Variants in LDB2 observed in about 807,000 individuals in gnomAD.
LDB2 encodes the protein LIM domain binding 2.
LDB2 carries 12 observed loss-of-function variants against 44.3 expected under a neutral mutation model. The observed-to-expected ratio is 0.27, with a 90% confidence interval of 0.17 to 0.44. The LOEUF is 0.44. LDB2 is among the 20% of genes least tolerant of loss of function. The pLI is 1.00. For missense variants in LDB2, 344 were observed against 473.5 expected, an observed-to-expected ratio of 0.73 and a Z score of 2.54; for synonymous variants, 164 against 174.8, an observed-to-expected ratio of 0.94 and a Z score of 0.49.
At chr4:16,715,425 G>C (rs1051086815) in intron 2 of LDB2, among the ~76,000 whole-genome samples, 4 of 152,308 alleles carry the variant, frequency 2.6e-5, no homozygotes, top group Middle Eastern at 3.4e-3. Context: ...CTGGACTATA[G>C]ATGTCAACAT....
At chr4:16,633,872 G>A (rs748322413) in intron 2 of LDB2, among the ~76,000 whole-genome samples, 4 of 152,124 alleles carry the variant, frequency 2.6e-5, no homozygotes, top group African/African-American at 9.7e-5. Flanking sequence ...ATACTAAAAG[G>A]CTACAGTAAC....
chr4:16,759,196 G>T lies in LDB2; in HGVS notation c.197C>A (p.Thr66Asn). ...TCCATCTTCCAAACAAAATGAAAGG[G>T]TTAATGTGGCGTCATCTTCAAAAAA... ...TEFFEDDATL[T>N]LSFCLEDGPK... Residue 66 changes from threonine to asparagine, a missense_variant, in exon 2 of 8, where the codon ACC (threonine) becomes AAC (asparagine). By Grantham distance (65) the Thr-to-Asn change is moderately conservative. Transcript: ENST00000304523. 2.5e-6 allele frequency: 4 copies of T among 1,614,006 alleles called. No individual in the cohort carries two copies. Among genetic ancestry groups the T allele is most frequent in the Non-Finnish European group, 2.5e-6 (3 of 1,179,874 alleles).
intron 2 of LDB2, among the ~76,000 whole-genome samples, chr4:16,745,894 GAA>G (rs201570479): frequency 7.4e-6 from 1 of 135,448 alleles, no homozygotes; most frequent in African/African-American, 2.7e-5. Flanking sequence ...CTCTATTGTT[GAA>G]AAAAAAAAAA....
chr4:16,534,939 G>A (rs1197663480), intron 5 of LDB2, among the ~76,000 whole-genome samples: 1 of 152,140 alleles, frequency 6.6e-6, no homozygotes, highest in Non-Finnish European at 1.5e-5. Flanking sequence ...TACATACTAA[G>A]AAGTGTAATA....
At chr4:16,762,099 G>A (rs1392100566) in intron 1 of LDB2, among the ~76,000 whole-genome samples, 1 of 152,166 alleles carries the variant, frequency 6.6e-6, no homozygotes, top group African/African-American at 2.4e-5. Context: ...AGGAGACTGA[G>A]GCAGGAGAAT....
intron 1 of LDB2, among the ~76,000 whole-genome samples, chr4:16,762,611 G>A (rs1768172593): frequency 6.6e-6 from 1 of 152,110 alleles, no homozygotes; most frequent in Non-Finnish European, 1.5e-5. Context: ...AACAAGATAA[G>A]GGAAACCACC....
intron 1 of LDB2, among the ~76,000 whole-genome samples, chr4:16,897,910 A>ATATATATACACATATG (rs1725601870): frequency 1.3e-4 from 2 of 15,446 alleles, no homozygotes; most frequent in African/African-American, 1.1e-3. Flanking sequence ...ATATATATAT[A>ATATATATACACATATG]TATATATATA....
intron 1 of LDB2, among the ~76,000 whole-genome samples, chr4:16,811,819 T>C (rs1246962240): frequency 6.6e-6 from 1 of 152,224 alleles, no homozygotes; most frequent in Non-Finnish European, 1.5e-5. Context: ...ACATGTATAT[T>C]TGATACTAGA....
intron 1 of LDB2, among the ~76,000 whole-genome samples, chr4:16,831,306 A>G (rs1784045843): frequency 6.6e-6 from 1 of 151,914 alleles, no homozygotes; most frequent in African/African-American, 2.4e-5. Flanking sequence ...TACAGAGATA[A>G]AGTAAGAGGA....
intron 1 of LDB2, 54 bp from the exon 2 acceptor site, chr4:16,759,314 G>A (rs1228188689): frequency 1.5e-6 from 2 of 1,298,256 alleles, no homozygotes; most frequent in East Asian, 4.6e-5. Context: ...ATATCTCAAA[G>A]AGGAAGAGAA....
intron 1 of LDB2, among the ~76,000 whole-genome samples, chr4:16,847,322 TC>T (rs1249033384): frequency 2.6e-5 from 4 of 152,178 alleles, no homozygotes; most frequent in Non-Finnish European, 4.4e-5. Context: ...GTCACTTATA[TC>T]CATACTAATG....
chr4:16,709,104 C>T (rs1272198114), intron 2 of LDB2, among the ~76,000 whole-genome samples: 1 of 144,512 alleles, frequency 6.9e-6, no homozygotes, highest in African/African-American at 2.5e-5. Flanking sequence ...TATTCTATCA[C>T]CGAATTCTCA....
At chr4:16,690,082 G>A (rs760960928) in intron 2 of LDB2, among the ~76,000 whole-genome samples, 1 of 152,098 alleles carries the variant, frequency 6.6e-6, no homozygotes, top group African/African-American at 2.4e-5. Context: ...AAGATGGTTG[G>A]GCTAATTTTT....
Position 16,813,348 on chromosome 4 carries a change from G to A in LDB2, c.133-54088C>T, listed in dbSNP as rs151226121. Among the ~76,000 whole-genome samples the A allele has an allele frequency of 6.6e-3, 1,001 of 152,222 alleles. 4 individuals carry two copies. The highest frequency in any genetic ancestry group is 0.048 in the Middle Eastern group (14 of 294). On this transcript the variant is annotated intron_variant, in intron 1 of 7. Transcript: ENST00000304523. Reference sequence around the variant, plus strand: ...ATTTAACTAACAATAGGGTTTTTGTGGGGATTAAGTGAGTAGGACATAGAA... The same window carrying A: ...ATTTAACTAACAATAGGGTTTTTGTAGGGATTAAGTGAGTAGGACATAGAA...
At chr4:16,630,358 A>C (rs1173832423) in intron 2 of LDB2, among the ~76,000 whole-genome samples, 1 of 152,222 alleles carries the variant, frequency 6.6e-6, no homozygotes. Context: ...GTGAAAGAGA[A>C]ATAAAATCCT....
intron 5 of LDB2, among the ~76,000 whole-genome samples, chr4:16,523,128 C>G (rs145144165): frequency 1.4e-3 from 220 of 152,226 alleles, no homozygotes; most frequent in African/African-American, 5.1e-3. Context: ...TGTACGTATG[C>G]ATGTATGTAC....
intron 1 of LDB2, among the ~76,000 whole-genome samples, chr4:16,857,165 T>C (rs187091739): frequency 1.1e-3 from 161 of 152,334 alleles, no homozygotes; most frequent in African/African-American, 3.6e-3. Context: ...TAATATGTTG[T>C]CAGGTGGCAG....
chr4:16,853,988 C>T (rs570487278), intron 1 of LDB2, among the ~76,000 whole-genome samples: 10 of 151,674 alleles, frequency 6.6e-5, no homozygotes, highest in Middle Eastern at 3.4e-3. Context: ...AGGGGGTGAG[C>T]GGGGAGGAAA....
intron 1 of LDB2, among the ~76,000 whole-genome samples, chr4:16,869,016 ATGATGT>A (rs1715635187): frequency 6.6e-6 from 1 of 152,108 alleles, no homozygotes; most frequent in Non-Finnish European, 1.5e-5. Flanking sequence ...ATGCTGGTAG[ATGATGT>A]TGATGATGAT....
Sources: allele counts gnomAD v4.1 joint callset (sites outside exome capture counted in the v4.1 genomes callset), GRCh38; gene constraint gnomAD v4.1.1; transcripts MANE v1.5; gene names NCBI Gene and HGNC (gene_info 2026-07-23, HGNC 2026-07-21).